The following AGMO variants were observed in gnomAD, a reference collection of about 807,000 sequenced individuals.
The protein encoded by AGMO is alkylglycerol monooxygenase, also known as glyceryl-ether monooxygenase.
A neutral mutation model predicts 60.2 loss-of-function variants in AGMO; 75 were observed. The ratio of observed to expected loss-of-function variants is 1.25; its 90% CI spans 1.03 to 1.51. AGMO has a LOEUF of 1.51. Among genes scored for constraint, AGMO ranks in the 40% most tolerant of loss-of-function variants. The pLI, the probability that AGMO is intolerant of heterozygous loss-of-function variation, is 0.00. For missense variants in AGMO, 763 were observed against 525.5 expected (o/e 1.45, Z -4.42); for synonymous variants, 261 against 177.1 (o/e 1.47, Z -3.76).
At chr7:15,519,705 C>T (rs1783927401) in intron 3 of AGMO, among the ~76,000 whole-genome samples, 1 of 152,026 alleles carries the variant, frequency 6.6e-6, no homozygotes, top group Non-Finnish European at 1.5e-5. Context: ...CAAAAGCATA[C>T]CAAAATGTAA....
chr7:15,364,520 T>C (rs1782891817), intron 12 of AGMO, among the ~76,000 whole-genome samples: 1 of 152,058 alleles, frequency 6.6e-6, no homozygotes. Context: ...TAGTCCTCCA[T>C]TCATGGCCTT....
At chr7:15,530,613 CTATA>C (rs1270788400) in intron 3 of AGMO, among the ~76,000 whole-genome samples, 1 of 116,360 alleles carries the variant, frequency 8.6e-6, no homozygotes, top group African/African-American at 3.5e-5. Flanking sequence ...ATACGTATTT[CTATA>C]TATATATTCT....
intron 12 of AGMO, among the ~76,000 whole-genome samples, chr7:15,275,007 G>C (rs1465883341): frequency 1.3e-5 from 2 of 151,052 alleles, no homozygotes; most frequent in East Asian, 1.9e-4. Context: ...TTTTCATTTT[G>C]TTGATCTTTT....
the AGMO span, among the ~76,000 whole-genome samples, chr7:15,190,381 T>C: frequency 6.6e-6 from 1 of 151,846 alleles, no homozygotes; most frequent in African/African-American, 2.4e-5. Flanking sequence ...AGTCAAAATG[T>C]GGTGGCCTTT....
At chr7:15,309,774 A>T (rs1185530310) in intron 12 of AGMO, among the ~76,000 whole-genome samples, 1 of 152,134 alleles carries the variant, frequency 6.6e-6, no homozygotes, top group Non-Finnish European at 1.5e-5. Flanking sequence ...AGCCCAGAGA[A>T]GTTAACTGGC....
chr7:15,548,025 C>G (rs978769741), intron 2 of AGMO, among the ~76,000 whole-genome samples: 9 of 147,654 alleles, frequency 6.1e-5, no homozygotes, highest in Non-Finnish European at 1.1e-4. Context: ...CCGGAGCAGC[C>G]TAACTAGGAG....
At chr7:15,502,107 T>C (rs1037011427) in intron 3 of AGMO, among the ~76,000 whole-genome samples, 3 of 152,066 alleles carry the variant, frequency 2.0e-5, no homozygotes, top group African/African-American at 4.8e-5. Context: ...GGCATTTTTT[T>C]CCTCATCTCC....
intron 5 of AGMO, among the ~76,000 whole-genome samples, chr7:15,407,785 A>G (rs1784744962): frequency 6.6e-6 from 1 of 151,624 alleles, no homozygotes; most frequent in Non-Finnish European, 1.5e-5. Context: ...TTTTTTTGCT[A>G]TCATGGAATT....
At chr7:15,439,436 G>A (rs1781490186) in intron 3 of AGMO, among the ~76,000 whole-genome samples, 1 of 152,100 alleles carries the variant, frequency 6.6e-6, no homozygotes, top group Non-Finnish European at 1.5e-5. Flanking sequence ...ATATCCTGCA[G>A]CTTTTTCCTC....
intron 5 of AGMO, among the ~76,000 whole-genome samples, chr7:15,394,551 G>T (rs1221597112): frequency 1.3e-5 from 2 of 152,108 alleles, no homozygotes; most frequent in Non-Finnish European, 2.9e-5. Flanking sequence ...TTGTTCTGAG[G>T]ATTATGAATG....
intron 3 of AGMO, among the ~76,000 whole-genome samples, chr7:15,511,157 G>T (rs2128530277): frequency 6.6e-6 from 1 of 152,076 alleles, no homozygotes; most frequent in South Asian, 2.1e-4. Context: ...GCAGCTCAGG[G>T]CACAAGGCAG....
At chr7:15,154,310 G>C in the AGMO span, among the ~76,000 whole-genome samples, 1 of 151,960 alleles carries the variant, frequency 6.6e-6, no homozygotes, top group Non-Finnish European at 1.5e-5. Context: ...AAAATACTTA[G>C]GAATATACCT....
At chr7:15,302,938 T>C (rs1035826581) in intron 12 of AGMO, among the ~76,000 whole-genome samples, 1 of 152,170 alleles carries the variant, frequency 6.6e-6, no homozygotes, top group Non-Finnish European at 1.5e-5. Context: ...AAAGTATCTA[T>C]ATATTTGTAA....
chr7:15,395,962 G>C (rs1031888142), intron 5 of AGMO: 4 of 152,158 alleles, frequency 2.6e-5, no homozygotes, highest in South Asian at 2.1e-4. Flanking sequence ...CTGTGGCAAT[G>C]TTGCCACATA....
At chr7:15,355,022 T>A (rs1381994808) in intron 12 of AGMO, among the ~76,000 whole-genome samples, 1 of 152,038 alleles carries the variant, frequency 6.6e-6, no homozygotes, top group South Asian at 2.1e-4. Flanking sequence ...ATTTGGCCTA[T>A]TGAAGAGAAG....
At chr7:15,310,733 A>T (rs1295511176) in intron 12 of AGMO, among the ~76,000 whole-genome samples, 1 of 152,190 alleles carries the variant, frequency 6.6e-6, no homozygotes, top group Non-Finnish European at 1.5e-5. Context: ...CTTAAAAACA[A>T]CACAAATTAA....
intron 10 of AGMO, among the ~76,000 whole-genome samples, chr7:15,373,908 G>A (rs995281280): frequency 1.3e-5 from 2 of 152,186 alleles, no homozygotes; most frequent in Non-Finnish European, 2.9e-5. Flanking sequence ...TCTGTAAAAT[G>A]AGGCTAATAT....
chr7:15,394,440 T>A (rs10239038), intron 5 of AGMO, among the ~76,000 whole-genome samples: 1 of 151,902 alleles, frequency 6.6e-6, no homozygotes, highest in Non-Finnish European at 1.5e-5. Context: ...GCTCCAGGAA[T>A]CTCCACTTAC....
chr7:15,555,081 T>A (rs1326120017), intron 2 of AGMO, among the ~76,000 whole-genome samples: 1 of 151,846 alleles, frequency 6.6e-6, no homozygotes, highest in African/African-American at 2.4e-5. Context: ...CCAATTTATA[T>A]TATTCCACAA....
Sources: gnomAD v4.1 joint callset for allele counts (sites outside exome capture counted in the v4.1 genomes callset) on GRCh38, gnomAD v4.1.1 for gene constraint, MANE v1.5 for transcripts, NCBI Gene and HGNC (gene_info 2026-07-23, HGNC 2026-07-21) for gene names.